SLC16A10: variants seen among roughly 807,000 people sequenced by gnomAD.
SLC16A10 encodes solute carrier family 16 member 10.
In SLC16A10, 27 loss-of-function variants were observed where a neutral mutation model predicts 40.0. The observed-to-expected ratio is 0.67, with a 90% confidence interval of 0.50 to 0.93. The LOEUF (loss-of-function observed/expected upper bound fraction) is 0.93. Among genes scored for constraint, SLC16A10 ranks in the 40% least tolerant of loss-of-function variants. The pLI, the probability that SLC16A10 is intolerant of heterozygous loss-of-function variation, is 0.00. For synonymous variants in SLC16A10, 213 were observed against 249.8 expected (o/e 0.85, Z 1.39); for missense variants, 529 against 658.2 (o/e 0.80, Z 2.15).
chr6:111,143,106 G>T (rs748236709), intron 1 of SLC16A10, among the ~76,000 whole-genome samples: 6 of 152,150 alleles, frequency 3.9e-5, no homozygotes, highest in Non-Finnish European at 7.3e-5. Flanking sequence ...TAGAGACAGG[G>T]TCTTGCTCTG....
chr6:111,195,089 A>T (rs1291596022), intron 3 of SLC16A10, among the ~76,000 whole-genome samples: 1 of 152,216 alleles, frequency 6.6e-6, no homozygotes, highest in Admixed American at 6.5e-5. Flanking sequence ...GAAGACCTCT[A>T]TATTCCAGGC....
rs1429836174 is a variant in SLC16A10, at chr6:111,222,988, A to G, written c.*753A>G. Reference sequence around the variant, plus strand: ...ACGTTTCTGAATTTGTTTAAACTGTAACAATAAAGTAAAATAGAATGCATG... The same window carrying G: ...ACGTTTCTGAATTTGTTTAAACTGTGACAATAAAGTAAAATAGAATGCATG... On this transcript the variant is annotated 3_prime_UTR_variant, in exon 6 of 6. Coordinates refer to ENST00000368851, the MANE Select transcript of SLC16A10 (RefSeq NM_018593.5). 1 of 152,234 alleles carries G rather than the reference A, an allele frequency of 6.6e-6. No homozygotes were observed. Among genetic ancestry groups the G allele is most frequent in the African/African-American group, 2.4e-5 (1 of 41,448 alleles). The allele number at this position is 152,234 out of a possible 1,614,324, so 9.4% of individuals were successfully genotyped here.
chr6:111,179,345 A>G (rs1194382650), intron 3 of SLC16A10, among the ~76,000 whole-genome samples: 1 of 152,240 alleles, frequency 6.6e-6, no homozygotes, highest in Non-Finnish European at 1.5e-5. Flanking sequence ...ATTAGCTCCA[A>G]TTTTACAGAC....
intron 1 of SLC16A10, among the ~76,000 whole-genome samples, chr6:111,148,209 A>G (rs1272213610): frequency 6.6e-6 from 1 of 152,112 alleles, no homozygotes; most frequent in African/African-American, 2.4e-5. Context: ...TTCATCATCT[A>G]TCTCAATTTT....
intron 1 of SLC16A10, among the ~76,000 whole-genome samples, chr6:111,115,279 T>A (rs1771465147): frequency 6.6e-6 from 1 of 152,212 alleles, no homozygotes; most frequent in South Asian, 2.1e-4. Flanking sequence ...GGCACGGTCT[T>A]GGCTCACTGC....
intron 1 of SLC16A10, among the ~76,000 whole-genome samples, chr6:111,118,234 T>C (rs79928727): frequency 0.02 from 3,030 of 152,294 alleles, 96 homozygotes; most frequent in African/African-American, 0.068. Context: ...TTGTTGACAA[T>C]CTACCCTAAT....
intron 3 of SLC16A10, among the ~76,000 whole-genome samples, chr6:111,202,743 C>T (rs1052016993): frequency 9.2e-5 from 14 of 151,582 alleles, no homozygotes; most frequent in Admixed American, 3.3e-4. Context: ...AAAAATAAGC[C>T]GGGCGTGGTG....
intron 3 of SLC16A10, among the ~76,000 whole-genome samples, chr6:111,182,905 C>T (rs1287833379): frequency 2.6e-5 from 4 of 152,156 alleles, no homozygotes; most frequent in Admixed American, 2.6e-4. Context: ...CTCTCACCAT[C>T]CTCACTACTC....
At chr6:111,184,228 A>G (rs1226560705) in intron 3 of SLC16A10, among the ~76,000 whole-genome samples, 1 of 152,202 alleles carries the variant, frequency 6.6e-6, no homozygotes, top group African/African-American at 2.4e-5. Context: ...TAAATTTTAG[A>G]TCCACATGGT....
intron 1 of SLC16A10, among the ~76,000 whole-genome samples, chr6:111,123,422 A>G (rs1191887448): frequency 6.6e-6 from 1 of 152,208 alleles, no homozygotes; most frequent in African/African-American, 2.4e-5. Flanking sequence ...TGTGTAATTC[A>G]CATCCATGCT....
intron 1 of SLC16A10, among the ~76,000 whole-genome samples, chr6:111,118,788 G>A (rs1168243900): frequency 3.5e-5 from 5 of 141,376 alleles, no homozygotes; most frequent in Admixed American, 1.4e-4. Context: ...AATAGGTATC[G>A]CCACCTAATT....
At chr6:111,167,984 CT>C (rs112355106) in intron 1 of SLC16A10, among the ~76,000 whole-genome samples, 187 of 143,222 alleles carry the variant, frequency 1.3e-3, no homozygotes, top group Admixed American at 1.3e-3. Context: ...CTAGTTTGCA[CT>C]TTTTTTTTTT....
intron 1 of SLC16A10, among the ~76,000 whole-genome samples, chr6:111,161,222 C>A (rs1383941342): frequency 2.3e-3 from 99 of 42,422 alleles, no homozygotes; most frequent in East Asian, 4.4e-3. Flanking sequence ...GACAGTGTCT[C>A]AAAAAAAAAA....
At chr6:111,089,908 G>GGT (rs1770942426) in intron 1 of SLC16A10, among the ~76,000 whole-genome samples, 4 of 52,296 alleles carry the variant, frequency 7.6e-5, no homozygotes, top group East Asian at 5.7e-4. Flanking sequence ...CTGTGGGTGG[G>GGT]TTTTTTTTTT....
At chr6:111,149,084 A>G (rs533217533) in intron 1 of SLC16A10, among the ~76,000 whole-genome samples, 4 of 152,242 alleles carry the variant, frequency 2.6e-5, no homozygotes, top group South Asian at 2.1e-4. Context: ...TCTTCACACT[A>G]CAGATACTCT....
intron 1 of SLC16A10, among the ~76,000 whole-genome samples, chr6:111,112,029 T>G (rs1382094786): frequency 6.6e-6 from 1 of 152,104 alleles, no homozygotes; most frequent in Non-Finnish European, 1.5e-5. Context: ...GATATAGATA[T>G]AGATATAAAA....
chr6:111,164,499 C>G (rs550608800), intron 1 of SLC16A10, among the ~76,000 whole-genome samples: 116 of 152,204 alleles, frequency 7.6e-4, no homozygotes, highest in Admixed American at 1.3e-3. Context: ...GTGGCTCACA[C>G]CTGTAATCCC....
intron 1 of SLC16A10, among the ~76,000 whole-genome samples, chr6:111,134,903 G>C (rs564695934): frequency 6.6e-6 from 1 of 152,228 alleles, no homozygotes; most frequent in South Asian, 2.1e-4. Context: ...ACCATTGAGG[G>C]CCAGGAGGCT....
rs182514285 is a variant in SLC16A10, at chr6:111,191,174, C to T, written c.942+13509C>T. Among the ~76,000 whole-genome samples the T allele has an allele frequency of 7.9e-3, 1,196 of 152,218 alleles. 4 individuals carry two copies. The highest frequency in any genetic ancestry group is 0.013 in the Non-Finnish European group (870 of 68,026). On this transcript the variant is annotated intron_variant, in intron 3 of 5. Transcript: ENST00000368851. ...CTAATGCTATCCCTCCTGTAGCCCC[C>T]CACTCCCCTGACCAGCCCTGGAATG...
Sources: gnomAD v4.1 joint callset for allele counts (sites outside exome capture counted in the v4.1 genomes callset) on GRCh38, gnomAD v4.1.1 for gene constraint, MANE v1.5 for transcripts, NCBI Gene and HGNC (gene_info 2026-07-23, HGNC 2026-07-21) for gene names.